Variants in ZNF407 observed in about 807,000 individuals in gnomAD.
ZNF407 encodes zinc finger protein 407.
A neutral mutation model predicts 131.2 loss-of-function variants in ZNF407; 17 were observed. That is an observed-to-expected ratio of 0.13 (90% CI 0.09 to 0.19). The LOEUF (loss-of-function observed/expected upper bound fraction) is 0.19, where lower values mean the gene tolerates loss of function less well. Among genes scored for constraint, ZNF407 ranks in the 10% least tolerant of loss-of-function variants. The pLI is 1.00. For missense variants in ZNF407, 2,681 were observed against 2,830.6 expected, an observed-to-expected ratio of 0.95 and a Z score of 1.20; for synonymous variants, 1,156 against 1,062.0, an observed-to-expected ratio of 1.09 and a Z score of -1.72.
chr18:74,764,109 A>G (rs1230362282), intron 3 of ZNF407, among the ~76,000 whole-genome samples: 1 of 151,646 alleles, frequency 6.6e-6, no homozygotes, highest in Non-Finnish European at 1.5e-5. Context: ...TTTGTTTGCA[A>G]TTCGTTGACC....
chr18:75,048,606 G>A lies in ZNF407; in HGVS notation c.5429-14544G>A, dbSNP rs1295778562. On this transcript the variant is annotated intron_variant, in intron 8 of 8. Coordinates refer to ENST00000299687, the MANE Select transcript of ZNF407 (RefSeq NM_017757.3). This position sits in a 1 kb window ranked among gnomAD's most constrained non-coding sequence, Gnocchi z 4.1. ...CTGACAGGACTCTAACTCTCAGCTCGATGTGAAAACAAGAGATGCTTTCAT... is the reference window on the plus strand; with the variant it reads ...CTGACAGGACTCTAACTCTCAGCTCAATGTGAAAACAAGAGATGCTTTCAT... 3.3e-5 allele frequency among the ~76,000 whole-genome samples: 5 copies of A among 152,174 alleles called. No individual in the cohort carries two copies. In the East Asian group the frequency reaches 9.7e-4, roughly 29 times the overall value.
At chr18:74,768,003 A>G (rs552416553) in intron 3 of ZNF407, among the ~76,000 whole-genome samples, 1 of 151,162 alleles carries the variant, frequency 6.6e-6, no homozygotes, top group East Asian at 1.9e-4. Flanking sequence ...AATTTAATAT[A>G]TTTTCTCTGC....
At chr18:74,761,382 C>G (rs553738703) in intron 3 of ZNF407, among the ~76,000 whole-genome samples, 1 of 151,794 alleles carries the variant, frequency 6.6e-6, no homozygotes, top group Non-Finnish European at 1.5e-5. Flanking sequence ...TTAGGTATAC[C>G]ATGAGATTTT....
intron 3 of ZNF407, among the ~76,000 whole-genome samples, chr18:74,723,347 A>G (rs950835946): frequency 6.6e-6 from 1 of 152,156 alleles, no homozygotes; most frequent in African/African-American, 2.4e-5. Flanking sequence ...TGCTATGTAG[A>G]ATACATTTGT....
intron 3 of ZNF407, among the ~76,000 whole-genome samples, chr18:74,762,768 T>C (rs1236247202): frequency 6.6e-6 from 1 of 152,096 alleles, no homozygotes; most frequent in African/African-American, 2.4e-5. Context: ...TGTTGTTGTA[T>C]ATTGATAGTT....
At position 75,064,157 on chromosome 18, in the gene ZNF407, A is replaced by G. The variant is rs2122301319; in HGVS notation, c.6436A>G (p.Ile2146Val). Residue 2146 changes from isoleucine (I) to valine (V), a missense_variant, in exon 9 of 9, where the codon ATC becomes GTC. Ile to Val is a conservative substitution (Grantham distance 29, BLOSUM62 3). Around this residue, in one of 6 missense-constraint regions of ZNF407, gnomAD observed 620 missense variants for 583.1 expected, o/e 1.06. Coordinates refer to ENST00000299687, the MANE Select transcript of ZNF407 (RefSeq NM_017757.3). Reference sequence around the variant, plus strand: ...GTCCGACGGGGAGATCTCGCAGATCATCGTGACGGAGGAGCTGGTCCAGGC... The same window carrying G: ...GTCCGACGGGGAGATCTCGCAGATCGTCGTGACGGAGGAGCTGGTCCAGGC... Reference protein sequence around the residue: ...VESDGEISQIIVTEELVQAMV... With the variant: ...VESDGEISQIVVTEELVQAMV... 6.2e-7 allele frequency: 1 copy of G among 1,604,792 alleles called. No individual in the cohort carries two copies. Among genetic ancestry groups the G allele is most frequent in the East Asian group, 2.3e-5 (1 of 44,384 alleles).
Position 74,929,235 on chromosome 18 carries a change from G to A in ZNF407, c.5428+8543G>A, listed in dbSNP as rs1283584520. ...AAGTGTGATGGCCTGTATGATTCGA[G>A]CCGCGCCAGCGCTTCCTTCCCGGCT... On this transcript the variant is annotated intron_variant, in intron 8 of 8. Coordinates refer to ENST00000299687, the MANE Select transcript of ZNF407 (RefSeq NM_017757.3). Among the ~76,000 whole-genome samples, 5 of 152,246 alleles carry A rather than the reference G, an allele frequency of 3.3e-5. No individual in the cohort carries two copies. In the East Asian group the frequency reaches 9.7e-4, roughly 29 times the overall value.
intron 3 of ZNF407, among the ~76,000 whole-genome samples, chr18:74,690,797 T>G (rs1320770921): frequency 6.6e-6 from 1 of 152,242 alleles, no homozygotes; most frequent in Admixed American, 6.5e-5. Context: ...TTAGCCTATT[T>G]TGATTTTTAT....
chr18:74,922,317 G>A (rs1402203252), intron 8 of ZNF407, among the ~76,000 whole-genome samples: 1 of 152,202 alleles, frequency 6.6e-6, no homozygotes, highest in Admixed American at 6.5e-5. Context: ...TCCATGGTGG[G>A]CATCAGCAAA....
At chr18:75,026,274 A>G (rs1379931243) in intron 8 of ZNF407, among the ~76,000 whole-genome samples, 1 of 152,258 alleles carries the variant, frequency 6.6e-6, no homozygotes, top group Admixed American at 6.5e-5. Context: ...ACTAGTACTC[A>G]TAGACAAAGA....
intron 3 of ZNF407, among the ~76,000 whole-genome samples, chr18:74,746,800 C>T (rs555645844): frequency 3.3e-5 from 5 of 150,696 alleles, no homozygotes; most frequent in African/African-American, 4.9e-5. Context: ...AAAAAAAAAA[C>T]GATAAGTAAA....
intron 4 of ZNF407, among the ~76,000 whole-genome samples, chr18:74,803,274 GGTGGT>G (rs961877809): frequency 1.3e-5 from 2 of 152,212 alleles, no homozygotes; most frequent in Non-Finnish European, 2.9e-5. Context: ...TCAGCACTGT[GGTGGT>G]TGTGGGTTTG....
chr18:74,686,489 G>T (rs1021625393), intron 3 of ZNF407, among the ~76,000 whole-genome samples: 1 of 152,038 alleles, frequency 6.6e-6, no homozygotes, highest in Non-Finnish European at 1.5e-5. Flanking sequence ...TCCTTTCCTG[G>T]CCTGTTCATT....
intron 4 of ZNF407, among the ~76,000 whole-genome samples, chr18:74,869,093 G>A (rs1347226416): frequency 1.3e-5 from 2 of 152,200 alleles, no homozygotes; most frequent in African/African-American, 2.4e-5. Context: ...TGGAATGAAG[G>A]TGTAAGTGGG....
chr18:74,795,493 T>G (rs917277800), intron 4 of ZNF407, among the ~76,000 whole-genome samples: 1 of 152,226 alleles, frequency 6.6e-6, no homozygotes, highest in African/African-American at 2.4e-5. Context: ...AATTATGAAT[T>G]TTGTTGTTAC....
Position 75,040,574 on chromosome 18 carries a change from C to T in ZNF407, c.5429-22576C>T, listed in dbSNP as rs145957278. On this transcript the variant is annotated intron_variant, in intron 8 of 8. Transcript: ENST00000299687. ...TGAATTGGCTACACGTGGTTTCAGC[C>T]GCAACATAATCAAACCATTAGGCAT... 4.1e-4 allele frequency among the ~76,000 whole-genome samples: 63 copies of T among 152,132 alleles called. No individual in the cohort carries two copies. The East Asian group carries it at 7.7e-3, about 19-fold the overall frequency.
chr18:74,959,190 G>A (rs953909670), intron 8 of ZNF407, among the ~76,000 whole-genome samples: 14 of 152,134 alleles, frequency 9.2e-5, no homozygotes, highest in African/African-American at 3.4e-4. Context: ...TTCTTACCTT[G>A]TCCTCCAGAT....
chr18:75,043,390 C>T (rs145134299), intron 8 of ZNF407, among the ~76,000 whole-genome samples: 1 of 152,282 alleles, frequency 6.6e-6, no homozygotes, highest in Non-Finnish European at 1.5e-5. Flanking sequence ...ATGTGCATGC[C>T]CAGCTCTACA....
At chr18:75,020,189 G>A (rs1308973991) in intron 8 of ZNF407, among the ~76,000 whole-genome samples, 2 of 152,060 alleles carry the variant, frequency 1.3e-5, no homozygotes, top group Non-Finnish European at 2.9e-5. Flanking sequence ...CCTCATGTGC[G>A]TAATTTATAA....
Sources: allele counts gnomAD v4.1 joint callset (sites outside exome capture counted in the v4.1 genomes callset), GRCh38; gene constraint gnomAD v4.1.1; regional missense constraint gnomAD v4.1.1; non-coding constraint Gnocchi (gnomAD v3.1); transcripts MANE v1.5; gene names NCBI Gene and HGNC (gene_info 2026-07-23, HGNC 2026-07-21).